The following TRPM1 variants were observed in gnomAD, a reference collection of about 807,000 sequenced individuals.
TRPM1 encodes transient receptor potential cation channel subfamily M member 1, also known as TRPM1-203 APA Isoform, Intron 10.
Under a neutral mutation model 149.4 loss-of-function variants are expected in TRPM1, and 113 were observed. The observed-to-expected ratio is 0.76, with a 90% CI of 0.65 to 0.88. TRPM1 has a LOEUF of 0.88. Among genes scored for constraint, TRPM1 ranks in the 40% least tolerant of loss-of-function variants. The probability of loss-of-function intolerance (pLI) is 0.00; values close to 1 mark genes in which losing one functional copy is unlikely to be tolerated. For missense variants in TRPM1, 1,976 were observed against 2,038.7 expected, an observed-to-expected ratio of 0.97 and a Z score of 0.59; for synonymous variants, 741 against 759.5, an observed-to-expected ratio of 0.98 and a Z score of 0.40.
At chr15:31,113,857 A>C (rs1596081226) in intron 1 of TRPM1, among the ~76,000 whole-genome samples, 2 of 151,694 alleles carry the variant, frequency 1.3e-5, no homozygotes, top group Admixed American at 6.6e-5. Flanking sequence ...CGACGCTCCC[A>C]CACGCTGGAA....
rs1408790075 is a variant in TRPM1, at chr15:31,098,157, C to G, written c.-84+3500G>C. The stretch of plus-strand genomic sequence containing the variant: ...AGGTCTAGAATAATACACATCAGGC[C>G]GGGCGTGGTGGCTCACGCCTGTAAT... On this transcript the variant is annotated intron_variant, in intron 1 of 27. Coordinates refer to ENST00000256552, the MANE Select transcript of TRPM1 (RefSeq NM_001252024.2). 2.6e-5 allele frequency among the ~76,000 whole-genome samples: 4 copies of G among 152,094 alleles called. No homozygotes were observed. In the East Asian group the frequency reaches 7.7e-4, roughly 29 times the overall value.
chr15:31,067,683 C>T (rs2034417942), intron 5 of TRPM1, among the ~76,000 whole-genome samples, 196 bp downstream of exon 5: 1 of 151,998 alleles, frequency 6.6e-6, no homozygotes, highest in South Asian at 2.1e-4. Flanking sequence ...ACAATCATTA[C>T]TATATTTGCT....
Position 31,037,707 on chromosome 15 carries a change from T to C in TRPM1, c.2571+4A>G, listed in dbSNP as rs1478708091. 1.2e-6 allele frequency: 2 copies of C among 1,614,218 alleles called. No individual in the cohort carries two copies. The highest frequency in any genetic ancestry group is 1.7e-6 in the Non-Finnish European group (2 of 1,180,030). On this transcript the variant is annotated splice_donor_region_variant and intron_variant, in intron 20 of 27. Coordinates refer to ENST00000256552, the MANE Select transcript of TRPM1 (RefSeq NM_001252024.2). Reference sequence around the variant, plus strand: ...AATGTCAAATGTTCAGGAGGAGGCCTCACTGTGTAAAACCAGAACTTGACA... The same window carrying C: ...AATGTCAAATGTTCAGGAGGAGGCCCCACTGTGTAAAACCAGAACTTGACA...
chr15:31,110,229 A>G (rs575020886), intron 1 of TRPM1, among the ~76,000 whole-genome samples: 3 of 152,364 alleles, frequency 2.0e-5, no homozygotes, highest in Non-Finnish European at 4.4e-5. Flanking sequence ...GGTTAAAAAA[A>G]TCTTCATTTG....
intron 1 of TRPM1, among the ~76,000 whole-genome samples, chr15:31,089,304 A>G (rs370863753): frequency 6.9e-6 from 1 of 144,530 alleles, no homozygotes; most frequent in African/African-American, 2.8e-5. Flanking sequence ...GGGTTTATAT[A>G]TAGTTATGTT....
chr15:31,032,009 T>G (rs2033105010), intron 22 of TRPM1, among the ~76,000 whole-genome samples: 1 of 70,862 alleles, frequency 1.4e-5, no homozygotes, highest in African/African-American at 7.7e-5. Flanking sequence ...AGGCGGGGTT[T>G]TTTTTTTTTT....
intron 1 of TRPM1, among the ~76,000 whole-genome samples, chr15:31,150,856 G>T (rs1007018945): frequency 1.2e-4 from 19 of 152,172 alleles, no homozygotes; most frequent in Admixed American, 2.6e-4. Flanking sequence ...GACTTGCCCA[G>T]ACATGCCTGC....
intron 27 of TRPM1, among the ~76,000 whole-genome samples, chr15:31,024,162 C>T (rs948363618): frequency 6.6e-6 from 1 of 152,028 alleles, no homozygotes; most frequent in Admixed American, 6.6e-5. Flanking sequence ...GGCGAAGACA[C>T]GACCGAGAGA....
intron 27 of TRPM1, among the ~76,000 whole-genome samples, chr15:31,021,612 C>T (rs1353736970): frequency 6.6e-6 from 1 of 151,640 alleles, no homozygotes; most frequent in African/African-American, 2.4e-5. Context: ...AGTAGACTCA[C>T]TTGAGCCCAG....
intron 22 of TRPM1, among the ~76,000 whole-genome samples, chr15:31,032,411 A>T (rs1595996742): frequency 6.6e-6 from 1 of 152,164 alleles, no homozygotes; most frequent in African/African-American, 2.4e-5. Flanking sequence ...GTGTGTATGT[A>T]TACACACATA....
At chr15:31,142,735 T>C (rs61068131) in intron 1 of TRPM1, among the ~76,000 whole-genome samples, 2,831 of 152,236 alleles carry the variant, frequency 0.019, 89 homozygotes, top group African/African-American at 0.065. Flanking sequence ...CAAACTAACT[T>C]TTGGACACTC....
At chr15:31,072,010 T>TAGAG (rs1390003241) in intron 3 of TRPM1, among the ~76,000 whole-genome samples, 30 of 30,060 alleles carry the variant, frequency 1.0e-3, no homozygotes, top group East Asian at 3.4e-3. Context: ...TATATATATA[T>TAGAG]ATATATATAG....
intron 27 of TRPM1, among the ~76,000 whole-genome samples, chr15:31,003,434 T>A (rs953982379): frequency 6.6e-6 from 1 of 152,184 alleles, no homozygotes; most frequent in African/African-American, 2.4e-5. Flanking sequence ...GGAAATTAAG[T>A]CATGGAGCGT....
chr15:31,144,525 C>T (rs774873170), intron 1 of TRPM1, among the ~76,000 whole-genome samples: 2 of 152,094 alleles, frequency 1.3e-5, no homozygotes, highest in Non-Finnish European at 2.9e-5. Context: ...TGTGGTTACT[C>T]TTGCTGCAAT....
intron 11 of TRPM1, among the ~76,000 whole-genome samples, chr15:31,058,295 A>C (rs1434273565): frequency 1.3e-5 from 2 of 152,238 alleles, no homozygotes; most frequent in African/African-American, 4.8e-5. Flanking sequence ...CAAATAAGTC[A>C]TGGTCCAAAT....
chr15:31,061,951 G>A (rs2034245602), intron 9 of TRPM1, among the ~76,000 whole-genome samples: 1 of 152,156 alleles, frequency 6.6e-6, no homozygotes, highest in Non-Finnish European at 1.5e-5. Context: ...GCCCCCCAAA[G>A]TGCTGGGATT....
chr15:31,113,419 C>T (rs2035735050), intron 1 of TRPM1, among the ~76,000 whole-genome samples: 1 of 130,482 alleles, frequency 7.7e-6, no homozygotes, highest in East Asian at 2.6e-4. Context: ...GAATTCAATA[C>T]CCAGCTCTGA....
intron 27 of TRPM1, among the ~76,000 whole-genome samples, chr15:31,015,328 C>CT (rs35375928): frequency 6.6e-6 from 1 of 151,694 alleles, no homozygotes; most frequent in Admixed American, 6.6e-5. Flanking sequence ...AGGAGAATTG[C>CT]TTGAACCTGG....
chr15:31,078,167 G>T (rs903264603), intron 2 of TRPM1, among the ~76,000 whole-genome samples: 1 of 152,154 alleles, frequency 6.6e-6, no homozygotes, highest in African/African-American at 2.4e-5. Flanking sequence ...TGGGACTGAG[G>T]TATCTGCGGG....
Sources: gnomAD v4.1 joint callset for allele counts (sites outside exome capture counted in the v4.1 genomes callset) on GRCh38, gnomAD v4.1.1 for gene constraint, MANE v1.5 for transcripts, NCBI Gene and HGNC (gene_info 2026-07-23, HGNC 2026-07-21) for gene names.